The following PHF24 variants were observed in gnomAD, a reference collection of about 807,000 sequenced individuals.
PHF24 encodes PHD finger protein 24.
PHF24 carries 25 observed loss-of-function variants against 42.6 expected under a neutral mutation model. The observed-to-expected ratio is 0.59, with a 90% CI of 0.43 to 0.82. The LOEUF (loss-of-function observed/expected upper bound fraction) is 0.82. Ranked by LOEUF, PHF24 falls within the 40% of genes least tolerant of loss-of-function variation. The pLI, the probability that PHF24 is intolerant of heterozygous loss-of-function variation, is 0.00. For missense variants in PHF24, 470 were observed against 538.1 expected (o/e 0.87, Z 1.25); for synonymous variants, 185 against 204.8 (o/e 0.90, Z 0.83).
the PHF24 span, chr9:34,709,559 C>T: frequency 6.2e-7 from 1 of 1,614,212 alleles, no homozygotes; most frequent in Non-Finnish European, 8.5e-7. Flanking sequence ...CCCTGTCCTT[C>T]CTGCAGCCCT....
the PHF24 span, among the ~76,000 whole-genome samples, chr9:34,776,548 G>A: frequency 4.6e-5 from 7 of 152,082 alleles, no homozygotes; most frequent in South Asian, 2.1e-4. Flanking sequence ...GTTGGTTCTC[G>A]TTTATATTTA....
the PHF24 span, chr9:34,728,168 T>G: frequency 8.0e-7 from 1 of 1,252,464 alleles, no homozygotes; most frequent in South Asian, 1.4e-5. Context: ...CCTTTGACTC[T>G]CATCAAGAAA....
chr9:34,781,047 T>G, the PHF24 span, among the ~76,000 whole-genome samples: 2 of 150,304 alleles, frequency 1.3e-5, no homozygotes, highest in African/African-American at 2.5e-5. Flanking sequence ...TGTAAAATAG[T>G]GCTGCTGCTG....
At chr9:34,705,054 T>A in the PHF24 span, among the ~76,000 whole-genome samples, 2 of 152,068 alleles carry the variant, frequency 1.3e-5, no homozygotes, top group African/African-American at 4.8e-5. Flanking sequence ...TAATTCATCT[T>A]TAGGATTTTT....
At chr9:34,705,839 G>A in the PHF24 span, among the ~76,000 whole-genome samples, 2 of 152,244 alleles carry the variant, frequency 1.3e-5, no homozygotes, top group African/African-American at 4.8e-5. Flanking sequence ...TGAGGCGGGT[G>A]GAGCGCTTGA....
chr9:34,847,938 C>G, the PHF24 span, among the ~76,000 whole-genome samples: 1 of 152,196 alleles, frequency 6.6e-6, no homozygotes, highest in Non-Finnish European at 1.5e-5. Context: ...TCTTGCATCC[C>G]AGTGATGAAG....
the PHF24 span, among the ~76,000 whole-genome samples, chr9:34,760,392 T>C: frequency 1.3e-5 from 2 of 152,246 alleles, no homozygotes; most frequent in African/African-American, 2.4e-5. Context: ...CTGTGTCTCA[T>C]ACTCAGAAAA....
At chr9:34,722,544 T>G in the PHF24 span, among the ~76,000 whole-genome samples, 12 of 152,234 alleles carry the variant, frequency 7.9e-5, no homozygotes, top group African/African-American at 2.9e-4. Flanking sequence ...TGAGCTCCAC[T>G]GGGTCAAGGC....
At chr9:34,828,242 T>C in the PHF24 span, among the ~76,000 whole-genome samples, 1 of 152,032 alleles carries the variant, frequency 6.6e-6, no homozygotes, top group Non-Finnish European at 1.5e-5. Context: ...TCCCCTCTCA[T>C]TAACGATGCC....
the PHF24 span, chr9:34,918,264 A>G: frequency 1.2e-5 from 17 of 1,462,906 alleles, no homozygotes; most frequent in Non-Finnish European, 1.5e-5. Context: ...TCTCAATGAA[A>G]CTGGTGATGA....
At chr9:34,970,365 C>T (rs998219535) in intron 1 of PHF24, among the ~76,000 whole-genome samples, 2 of 152,092 alleles carry the variant, frequency 1.3e-5, no homozygotes, top group African/African-American at 2.4e-5. Context: ...GGAGTGACAG[C>T]GCAGCCTTAG....
chr9:34,958,071 G>T (rs957103424), upstream of PHF24, among the ~76,000 whole-genome samples: 4 of 149,738 alleles, frequency 2.7e-5, no homozygotes, highest in Non-Finnish European at 4.5e-5. The surrounding 1 kb of genome is among the most constrained non-coding windows in gnomAD (Gnocchi z 4.5). Flanking sequence ...CGCGCCCGTC[G>T]CCGGTCACCC....
At chr9:34,973,354 T>C (rs1421451383) in intron 3 of PHF24, among the ~76,000 whole-genome samples, 1 of 152,256 alleles carries the variant, frequency 6.6e-6, no homozygotes, top group Non-Finnish European at 1.5e-5. Context: ...GCATTTGCTC[T>C]TCCTCTTTGA....
the PHF24 span, chr9:34,832,795 G>C: frequency 6.4e-7 from 1 of 1,551,330 alleles, no homozygotes; most frequent in Non-Finnish European, 8.7e-7. Flanking sequence ...CTCAGGAAAG[G>C]CTGACCCTGT....
the PHF24 span, among the ~76,000 whole-genome samples, chr9:34,769,331 G>T: frequency 6.6e-6 from 1 of 152,134 alleles, no homozygotes; most frequent in Non-Finnish European, 1.5e-5. Flanking sequence ...ATGTTGGCCA[G>T]GCTGGTCTTG....
chr9:34,938,602 A>G, the PHF24 span, among the ~76,000 whole-genome samples: 1 of 152,196 alleles, frequency 6.6e-6, no homozygotes, highest in Non-Finnish European at 1.5e-5. Flanking sequence ...TCCCTGAAAC[A>G]TAGTTTCCTC....
At chr9:34,704,305 A>G in the PHF24 span, among the ~76,000 whole-genome samples, 1 of 152,040 alleles carries the variant, frequency 6.6e-6, no homozygotes, top group Admixed American at 6.6e-5. Context: ...TGCTGGGATT[A>G]TAGGCGTGAG....
the PHF24 span, among the ~76,000 whole-genome samples, chr9:34,950,689 A>G: frequency 6.6e-6 from 1 of 152,184 alleles, no homozygotes; most frequent in Non-Finnish European, 1.5e-5. Flanking sequence ...ATTTTATAAC[A>G]TGTGAATTAT....
chr9:34,777,140 G>A, the PHF24 span, among the ~76,000 whole-genome samples: 1 of 152,190 alleles, frequency 6.6e-6, no homozygotes, highest in South Asian at 2.1e-4. Context: ...GGGCCCCAGG[G>A]TGGTATATGC....
Sources: gnomAD v4.1 joint callset for allele counts (sites outside exome capture counted in the v4.1 genomes callset) on GRCh38, gnomAD v4.1.1 for gene constraint, Gnocchi (gnomAD v3.1) non-coding constraint, MANE v1.5 for transcripts, NCBI Gene and HGNC (gene_info 2026-07-23, HGNC 2026-07-21) for gene names.